ARHGDIB: variants seen among roughly 807,000 people sequenced by gnomAD.
ARHGDIB encodes the protein rho GDP-dissociation inhibitor 2.
ARHGDIB carries 20 observed loss-of-function variants against 22.6 expected under a neutral mutation model. That is an observed-to-expected ratio of 0.88 (90% CI 0.62 to 1.28). The LOEUF is 1.28. Ranked by LOEUF, ARHGDIB falls within the 50% of genes most tolerant of loss-of-function variation. ARHGDIB has a pLI of 0.00. For synonymous variants in ARHGDIB, 114 were observed against 96.1 expected (o/e 1.19, Z -1.09); for missense variants, 254 against 245.4 (o/e 1.04, Z -0.23).
At chr12:14,950,031 A>C in intron 2 of ARHGDIB, 146 bp from the exon 3 acceptor site, 1 of 750,908 alleles carries the variant, frequency 1.3e-6, no homozygotes, top group South Asian at 1.8e-5. Flanking sequence ...CAGGTTTGCT[A>C]TGCTTGGTCT....
Position 14,942,469 on chromosome 12 carries a change from A to G in ARHGDIB, c.*53T>C. 6.3e-7 allele frequency: 1 copy of G among 1,594,210 alleles called. No individual in the cohort carries two copies. The highest frequency in any genetic ancestry group is 8.6e-7 in the Non-Finnish European group (1 of 1,163,394). On this transcript the variant is annotated 3_prime_UTR_variant, in exon 6 of 6. Transcript: ENST00000228945. ...AGGGAGGAGGGACAGGGTGCTGAAC[A>G]CGCCTGAGAGAATTCTTCCAGGTGG...
intron 5 of ARHGDIB, among the ~76,000 whole-genome samples, chr12:14,943,042 AT>A (rs1298408086): frequency 1.3e-5 from 2 of 151,974 alleles, no homozygotes; most frequent in African/African-American, 4.8e-5. Context: ...CTAATTTTGT[AT>A]TTTTAGTAGA....
intron 1 of ARHGDIB, among the ~76,000 whole-genome samples, chr12:14,954,389 G>T (rs1864252871): frequency 6.6e-6 from 1 of 152,254 alleles, no homozygotes; most frequent in African/African-American, 2.4e-5. Context: ...GGTGACACCT[G>T]TGTCTGAGGG....
intron 3 of ARHGDIB, among the ~76,000 whole-genome samples, chr12:14,948,566 C>T (rs1487217683): frequency 7.2e-5 from 11 of 152,174 alleles, no homozygotes; most frequent in South Asian, 2.1e-4. Flanking sequence ...GCTTCAGGTT[C>T]CATAAAACCA....
chr12:14,946,221 G>A (rs1221037682), intron 4 of ARHGDIB, among the ~76,000 whole-genome samples: 3 of 152,188 alleles, frequency 2.0e-5, no homozygotes, highest in Admixed American at 6.5e-5. Context: ...ATCAAAGTGA[G>A]AGCTGTGGAA....
intron 1 of ARHGDIB, among the ~76,000 whole-genome samples, chr12:14,955,408 C>T (rs770356143): frequency 3.3e-5 from 5 of 152,084 alleles, no homozygotes; most frequent in African/African-American, 7.2e-5. Flanking sequence ...AGATTGATAT[C>T]GGGAATACAT....
rs746754433 is a variant in ARHGDIB, at chr12:14,942,674, C to A, written c.454G>T (p.Glu152Ter). The A allele has an allele frequency of 6.2e-7, 1 of 1,614,116 alleles. No homozygotes were observed. Among genetic ancestry groups the A allele is most frequent in the South Asian group, 1.1e-5 (1 of 91,076 alleles). ...TCAACTGGAGTGAGGAACTCATACT[C>A]CTCAGGCCGAGGTCCATAGCTGCCA... ...MVGSYGPRPE[E>*]YEFLTPVEEA... Residue 152 changes from glutamate to a stop codon, truncating the protein, a stop_gained, in exon 6 of 6, where the codon GAG (glutamate) becomes TAG (stop). Coordinates refer to ENST00000228945, the MANE Select transcript of ARHGDIB (RefSeq NM_001175.7). LOFTEE classifies it high-confidence loss of function.
chr12:14,958,052 G>T (rs1042901013), intron 1 of ARHGDIB, among the ~76,000 whole-genome samples: 1 of 152,136 alleles, frequency 6.6e-6, no homozygotes, highest in African/African-American at 2.4e-5. Context: ...TCGGGCTGTG[G>T]GTCTAGTGCA....
At position 14,950,649 on chromosome 12, in the gene ARHGDIB, G is replaced by A. The variant is rs1864149325; in HGVS notation, c.64C>T (p.Leu22Phe). 1 of 1,613,882 alleles carries A rather than the reference G, an allele frequency of 6.2e-7. No individual in the cohort carries two copies. Among genetic ancestry groups the A allele is most frequent in the East Asian group, 2.2e-5 (1 of 44,898 alleles). The change falls in exon 2 of 6, where the codon CTC becomes TTC. Residue 22 changes from leucine (L) to phenylalanine (F), a missense_variant. Coordinates refer to ENST00000228945, the MANE Select transcript of ARHGDIB (RefSeq NM_001175.7). ...EDDDDELDSK[L>F]NYKPPPQKSL... ...TTCTGTGGTGGAGGCTTATAATTGAGCTTGCTGTCCAGCTCATCATCGTCA... is the reference window on the plus strand; with the variant it reads ...TTCTGTGGTGGAGGCTTATAATTGAACTTGCTGTCCAGCTCATCATCGTCA...
At chr12:14,949,203 T>C (rs1864106256) in intron 3 of ARHGDIB, among the ~76,000 whole-genome samples, 1 of 152,050 alleles carries the variant, frequency 6.6e-6, no homozygotes, top group Non-Finnish European at 1.5e-5. Context: ...ATAACCCCCT[T>C]CCCAGTCTCT....
intron 5 of ARHGDIB, among the ~76,000 whole-genome samples, chr12:14,943,474 A>G (rs1419742862): frequency 6.6e-6 from 1 of 151,550 alleles, no homozygotes; most frequent in Non-Finnish European, 1.5e-5. Context: ...CTCAGTTCTG[A>G]TCTCAGTCCT....
intron 1 of ARHGDIB, 52 bp from the exon 2 acceptor site, chr12:14,950,776 T>C (rs1367954179): frequency 2.0e-6 from 3 of 1,480,154 alleles, no homozygotes; most frequent in Admixed American, 2.3e-5. Flanking sequence ...ATATAAAAGA[T>C]GTTAGTGGGG....
At chr12:14,950,002 G>A in intron 2 of ARHGDIB, 117 bp from the exon 3 acceptor site, 2 of 925,200 alleles carry the variant, frequency 2.2e-6, no homozygotes, top group East Asian at 2.6e-5. Context: ...ATCTGGAGTA[G>A]AAATAGAAAT....
intron 5 of ARHGDIB, among the ~76,000 whole-genome samples, chr12:14,944,416 G>A (rs1286014968): frequency 6.7e-6 from 1 of 149,206 alleles, no homozygotes; most frequent in East Asian, 2.0e-4. Flanking sequence ...GGTTTTCTCT[G>A]ACACTTGGGT....
chr12:14,956,727 G>A (rs1021766466), intron 1 of ARHGDIB, among the ~76,000 whole-genome samples: 7 of 152,140 alleles, frequency 4.6e-5, no homozygotes, highest in Non-Finnish European at 1.0e-4. Context: ...TCACAGATGC[G>A]CATACAGATT....
intron 4 of ARHGDIB, among the ~76,000 whole-genome samples, chr12:14,946,777 C>T (rs1312733014): frequency 6.6e-6 from 1 of 152,096 alleles, no homozygotes; most frequent in Non-Finnish European, 1.5e-5. Context: ...ACCTGGTTTA[C>T]CAAATAGACA....
At chr12:14,943,488 A>G (rs544801915) in intron 5 of ARHGDIB, among the ~76,000 whole-genome samples, 7 of 152,210 alleles carry the variant, frequency 4.6e-5, no homozygotes, top group African/African-American at 1.4e-4. Context: ...CAGTCCTGCA[A>G]TGGCCTAAGT....
chr12:14,942,760 T>C (rs1270418373), intron 5 of ARHGDIB, 39 bp from the exon 6 acceptor site: 4 of 1,589,688 alleles, frequency 2.5e-6, no homozygotes, highest in Non-Finnish European at 3.4e-6. Context: ...AAGAGCCTGA[T>C]AGAGGAAAAA....
chr12:14,945,699 C>A (rs539619297), intron 4 of ARHGDIB, among the ~76,000 whole-genome samples: 1 of 152,202 alleles, frequency 6.6e-6, no homozygotes, highest in Non-Finnish European at 1.5e-5. Context: ...TTATGGCTGT[C>A]CTTTTGTGTT....
Sources: allele counts gnomAD v4.1 joint callset (sites outside exome capture counted in the v4.1 genomes callset), GRCh38; gene constraint gnomAD v4.1.1; transcripts MANE v1.5; gene names NCBI Gene and HGNC (gene_info 2026-07-23, HGNC 2026-07-21).